The following STIM2 variants were observed in gnomAD, a reference collection of about 807,000 sequenced individuals.
STIM2 encodes stromal interaction molecule 2.
A neutral mutation model predicts 85.8 loss-of-function variants in STIM2; 31 were observed. That is an observed-to-expected ratio of 0.36 (90% CI 0.27 to 0.49). The LOEUF is 0.49. STIM2 is among the 20% of genes least tolerant of loss of function. The probability of loss-of-function intolerance (pLI) is 0.98; values close to 1 mark genes in which losing one functional copy is unlikely to be tolerated. For synonymous variants in STIM2, 356 were observed against 331.1 expected (o/e 1.08, Z -0.82); for missense variants, 841 against 927.6 (o/e 0.91, Z 1.21).
intron 1 of STIM2, among the ~76,000 whole-genome samples, chr4:26,907,545 T>A (rs905833874): frequency 6.6e-6 from 1 of 152,198 alleles, no homozygotes; most frequent in African/African-American, 2.4e-5. Flanking sequence ...TTCCTTAACA[T>A]TGAGAGACAC....
At chr4:26,971,348 G>A (rs1017562411) in intron 3 of STIM2, among the ~76,000 whole-genome samples, 1 of 152,074 alleles carries the variant, frequency 6.6e-6, no homozygotes, top group Non-Finnish European at 1.5e-5. Context: ...TATTGCCTAG[G>A]TTTTCTTCTA....
intron 1 of STIM2, among the ~76,000 whole-genome samples, chr4:26,880,234 T>C (rs531781368): frequency 1.3e-5 from 2 of 152,332 alleles, no homozygotes; most frequent in South Asian, 2.1e-4. Context: ...GCCCTGGCGC[T>C]TGAGGTTTCC....
At position 26,861,309 on chromosome 4, in the gene STIM2, G is replaced by C. The variant is rs1377710819; in HGVS notation, c.91G>C (p.Ala31Pro). The change falls in exon 1 of 12, where the codon GCC becomes CCC. Residue 31 changes from alanine to proline, a missense_variant. By Grantham distance (27) the Ala-to-Pro change is conservative. This residue lies in a region of STIM2 where 140 missense variants were observed against 117.7 expected (regional missense o/e 1.19). Transcript: ENST00000467087. ...CCGCGGGCGGCGGGCGACTGGCTCT[G>C]CCGCAACTGCCGCCTCCTCTCCCGC... The C allele has an allele frequency of 1.5e-5, 21 of 1,422,114 alleles. No individual in the cohort carries two copies. Among genetic ancestry groups the C allele is most frequent in the Non-Finnish European group, 9.2e-7 (1 of 1,091,228 alleles). 88.1% of individuals were successfully genotyped at this position (1,422,114 alleles called of 1,614,324 possible). A position where few individuals can be genotyped will look rare whatever the true frequency, so the allele number is the denominator to read the frequency against.
rs1352788574 is a variant in STIM2, at chr4:26,952,461, A to G, written c.283-5151A>G. Among the ~76,000 whole-genome samples, 5 of 152,162 alleles carry G rather than the reference A, an allele frequency of 3.3e-5. No individual in the cohort carries two copies. In the East Asian group the frequency reaches 7.7e-4, roughly 23 times the overall value. On this transcript the variant is annotated intron_variant, in intron 2 of 11. Coordinates refer to ENST00000467087, the MANE Select transcript of STIM2 (RefSeq NM_020860.4). ...AAAAATAAATGATTTACAATAAAAT[A>G]GTTGACATTGAGTGTCGACTATGTA...
intron 3 of STIM2, among the ~76,000 whole-genome samples, chr4:26,982,743 A>G (rs924384231): frequency 1.7e-4 from 26 of 152,284 alleles, no homozygotes; most frequent in Middle Eastern, 3.4e-3. Flanking sequence ...ACCTCAGTGG[A>G]CAGAGTTAAG....
intron 11 of STIM2, among the ~76,000 whole-genome samples, chr4:27,022,310 G>T (rs930084556): frequency 6.6e-6 from 1 of 152,038 alleles, no homozygotes; most frequent in African/African-American, 2.4e-5. Flanking sequence ...CTTTATTATG[G>T]TTTATGTTAA....
At chr4:26,953,193 G>A (rs1341269203) in intron 2 of STIM2, among the ~76,000 whole-genome samples, 1 of 152,020 alleles carries the variant, frequency 6.6e-6, no homozygotes, top group African/African-American at 2.4e-5. Context: ...ATCTGAAATG[G>A]GTGTATTGGG....
intron 4 of STIM2, among the ~76,000 whole-genome samples, chr4:26,996,433 A>T (rs76600409): frequency 1.8e-4 from 27 of 152,044 alleles, no homozygotes; most frequent in Admixed American, 1.8e-3. Context: ...GTAATGAAAT[A>T]TATACATTGT....
intron 3 of STIM2, among the ~76,000 whole-genome samples, chr4:26,962,546 A>G (rs904233118): frequency 4.7e-5 from 7 of 148,148 alleles, no homozygotes; most frequent in Middle Eastern, 3.4e-3. Context: ...AATTTCAGCA[A>G]TGACTTTAAT....
intron 3 of STIM2, among the ~76,000 whole-genome samples, chr4:26,986,372 A>G (rs1416112926): frequency 1.3e-5 from 2 of 152,170 alleles, no homozygotes; most frequent in South Asian, 4.1e-4. Flanking sequence ...CATCTTTAAG[A>G]TATTTTGGAT....
At chr4:26,872,055 A>C (rs1722638597) in intron 1 of STIM2, among the ~76,000 whole-genome samples, 1 of 152,262 alleles carries the variant, frequency 6.6e-6, no homozygotes, top group Admixed American at 6.5e-5. Context: ...AAGGGTAAGT[A>C]TTCAGGTATT....
intron 10 of STIM2, among the ~76,000 whole-genome samples, chr4:27,012,082 T>G (rs1728576410): frequency 6.6e-6 from 1 of 152,122 alleles, no homozygotes; most frequent in South Asian, 2.1e-4. Context: ...TCATTCCTGT[T>G]CTATCCTTGC....
At chr4:26,996,343 T>A (rs926511233) in intron 4 of STIM2, among the ~76,000 whole-genome samples, 1 of 152,054 alleles carries the variant, frequency 6.6e-6, no homozygotes, top group Non-Finnish European at 1.5e-5. Context: ...ACAAGATTGC[T>A]TCTTAAGTTT....
chr4:27,007,178 T>G (rs1728392578), intron 7 of STIM2, among the ~76,000 whole-genome samples: 1 of 142,884 alleles, frequency 7.0e-6, no homozygotes, highest in Admixed American at 6.7e-5. Flanking sequence ...TACCCTTGAC[T>G]TTTTTTTCCC....
chr4:26,937,021 CA>C (rs1172426761), intron 2 of STIM2, among the ~76,000 whole-genome samples: 1 of 151,998 alleles, frequency 6.6e-6, no homozygotes, highest in East Asian at 1.9e-4. Flanking sequence ...CTTCTGGGCT[CA>C]AGCGATTTAC....
intron 1 of STIM2, among the ~76,000 whole-genome samples, chr4:26,883,382 G>T (rs1723096972): frequency 6.6e-6 from 1 of 151,998 alleles, no homozygotes; most frequent in African/African-American, 2.4e-5. Context: ...TCATGGTAAG[G>T]ATTAAATTGG....
intron 3 of STIM2, among the ~76,000 whole-genome samples, chr4:26,960,399 AACAC>A (rs146409620): frequency 6.6e-6 from 1 of 152,062 alleles, no homozygotes; most frequent in East Asian, 1.9e-4. Flanking sequence ...GTATATATAA[AACAC>A]ACACACACAT....
chr4:26,999,476 G>A, intron 5 of STIM2, 129 bp downstream of exon 5: 1 of 376,724 alleles, frequency 2.7e-6, no homozygotes, highest in Non-Finnish European at 4.6e-6. Flanking sequence ...TGAAAGAAGT[G>A]TAATACTACC....
At chr4:26,991,517 G>T (rs1727764786) in intron 3 of STIM2, among the ~76,000 whole-genome samples, 1 of 151,970 alleles carries the variant, frequency 6.6e-6, no homozygotes, top group South Asian at 2.1e-4. Context: ...ACTAAAGTAG[G>T]GAAATTAAAG....
Sources: gnomAD v4.1 joint callset for allele counts (sites outside exome capture counted in the v4.1 genomes callset) on GRCh38, gnomAD v4.1.1 for gene constraint, gnomAD v4.1.1 regional missense constraint, MANE v1.5 for transcripts, NCBI Gene and HGNC (gene_info 2026-07-23, HGNC 2026-07-21) for gene names.